Variants in RSU1 observed in about 807,000 individuals in gnomAD.
RSU1 encodes the protein rsu-1.
In RSU1, 26 loss-of-function variants were observed where a neutral mutation model predicts 31.1. That is an observed-to-expected ratio of 0.84 (90% CI 0.61 to 1.16). RSU1 has a LOEUF of 1.16. RSU1 is among the 50% of genes most tolerant of loss of function. The pLI, the probability that RSU1 is intolerant of heterozygous loss-of-function variation, is 0.00. For missense variants in RSU1, 320 were observed against 339.1 expected, an observed-to-expected ratio of 0.94 and a Z score of 0.44; for synonymous variants, 164 against 136.3, an observed-to-expected ratio of 1.20 and a Z score of -1.41.
At chr10:16,805,399 C>G (rs534934054) in intron 2 of RSU1, among the ~76,000 whole-genome samples, 1 of 151,984 alleles carries the variant, frequency 6.6e-6, no homozygotes, top group Non-Finnish European at 1.5e-5. Flanking sequence ...TGGCCGGGAG[C>G]GGTGGCTCAC....
At chr10:16,711,948 T>C (rs1256822991) in intron 7 of RSU1, among the ~76,000 whole-genome samples, 1 of 152,214 alleles carries the variant, frequency 6.6e-6, no homozygotes, top group African/African-American at 2.4e-5. Context: ...ACTTCCCTTT[T>C]ATAATTGTAT....
intron 4 of RSU1, among the ~76,000 whole-genome samples, chr10:16,763,006 AAACAAAAAC>A (rs905998362): frequency 6.6e-6 from 1 of 151,984 alleles, no homozygotes; most frequent in African/African-American, 2.4e-5. Flanking sequence ...AAAAAAAAAA[AAACAAAAAC>A]AAAAAAACCT....
At chr10:16,749,042 G>A (rs988044921) in intron 7 of RSU1, among the ~76,000 whole-genome samples, 5 of 152,010 alleles carry the variant, frequency 3.3e-5, no homozygotes, top group South Asian at 2.1e-4. Flanking sequence ...TTACTTTACC[G>A]GAAAAGGCAA....
At chr10:16,712,450 T>C (rs1836040730) in intron 7 of RSU1, among the ~76,000 whole-genome samples, 4 of 152,138 alleles carry the variant, frequency 2.6e-5, no homozygotes, top group Non-Finnish European at 5.9e-5. Context: ...TTTTCTGTGC[T>C]GCGAAGTTTT....
intron 8 of RSU1, among the ~76,000 whole-genome samples, chr10:16,687,496 G>A (rs964489529): frequency 2.6e-4 from 39 of 152,192 alleles, no homozygotes; most frequent in African/African-American, 8.4e-4. Context: ...ATGAATAATA[G>A]TGTTAACCAA....
At chr10:16,638,786 A>T (rs1294123937) in intron 8 of RSU1, among the ~76,000 whole-genome samples, 2 of 152,244 alleles carry the variant, frequency 1.3e-5, no homozygotes, top group Non-Finnish European at 2.9e-5. Flanking sequence ...GGGCCGCGCT[A>T]GACGAGAAAA....
intron 8 of RSU1, among the ~76,000 whole-genome samples, chr10:16,609,298 C>G (rs1030385612): frequency 6.6e-6 from 1 of 152,254 alleles, no homozygotes; most frequent in African/African-American, 2.4e-5. Context: ...GGAGCTGCCT[C>G]TGGCTAGGGG....
At chr10:16,734,049 G>A (rs933143673) in intron 7 of RSU1, among the ~76,000 whole-genome samples, 2 of 152,082 alleles carry the variant, frequency 1.3e-5, no homozygotes, top group South Asian at 2.1e-4. Context: ...CTTCCAACAC[G>A]ACTCCAATTG....
chr10:16,727,561 C>T (rs1210510784), intron 7 of RSU1, among the ~76,000 whole-genome samples: 1 of 152,098 alleles, frequency 6.6e-6, no homozygotes, highest in Non-Finnish European at 1.5e-5. Flanking sequence ...ACAAAATGTC[C>T]AACTCGGGCC....
chr10:16,809,432 G>C (rs1466185895), intron 2 of RSU1, among the ~76,000 whole-genome samples: 1 of 152,184 alleles, frequency 6.6e-6, no homozygotes, highest in East Asian at 1.9e-4. Flanking sequence ...AAGAACTGTA[G>C]AGGCAGCAAA....
chr10:16,780,828 A>G (rs1410820853), intron 3 of RSU1, among the ~76,000 whole-genome samples: 2 of 152,160 alleles, frequency 1.3e-5, no homozygotes, highest in Non-Finnish European at 2.9e-5. Flanking sequence ...TACAACAATG[A>G]CCACACATGA....
chr10:16,629,801 G>A (rs913751999), intron 8 of RSU1, among the ~76,000 whole-genome samples: 1 of 152,092 alleles, frequency 6.6e-6, no homozygotes, highest in African/African-American at 2.4e-5. Context: ...AAAGGAAGTG[G>A]GGGAACTCAC....
chr10:16,733,979 C>T (rs1372693511), intron 7 of RSU1, among the ~76,000 whole-genome samples: 1 of 152,222 alleles, frequency 6.6e-6, no homozygotes, highest in African/African-American at 2.4e-5. Context: ...TAACACTAAC[C>T]ATTGATCTTG....
At chr10:16,636,533 C>T (rs1272760024) in intron 8 of RSU1, among the ~76,000 whole-genome samples, 8 of 152,170 alleles carry the variant, frequency 5.3e-5, no homozygotes, top group Admixed American at 1.3e-4. Context: ...CTGTTTTCTG[C>T]GCTTCCCTTT....
chr10:16,680,621 G>A (rs1248401138), intron 8 of RSU1, among the ~76,000 whole-genome samples: 2 of 152,046 alleles, frequency 1.3e-5, no homozygotes, highest in Non-Finnish European at 2.9e-5. Flanking sequence ...GAAAGGGAAG[G>A]GGAGGGAGGG....
intron 8 of RSU1, among the ~76,000 whole-genome samples, chr10:16,679,511 C>T (rs1406206979): frequency 6.6e-6 from 1 of 152,152 alleles, no homozygotes; most frequent in Admixed American, 6.5e-5. Context: ...AGTTGATGGG[C>T]AGTAGGGAAA....
intron 3 of RSU1, among the ~76,000 whole-genome samples, chr10:16,777,580 T>C (rs1837560161): frequency 6.6e-6 from 1 of 152,314 alleles, no homozygotes; most frequent in South Asian, 2.1e-4. Context: ...TTTCTAATCT[T>C]TAGGTACAAA....
At position 16,739,019 on chromosome 10, in the gene RSU1, T is replaced by A. The variant is rs1217956315; in HGVS notation, c.598+13520A>T. 2.0e-5 allele frequency among the ~76,000 whole-genome samples: 3 copies of A among 152,214 alleles called. No individual in the cohort carries two copies. In the East Asian group the frequency reaches 5.8e-4, roughly 29 times the overall value. ...GAATGATGGCTTCCAGCTTCATCCA[T>A]GTCTCTGCAAAGGACATGAACTCAT... On this transcript the variant is annotated intron_variant, in intron 7 of 8. Transcript: ENST00000345264.
intron 2 of RSU1, among the ~76,000 whole-genome samples, chr10:16,794,117 G>A (rs560745671): frequency 1.1e-4 from 17 of 152,182 alleles, no homozygotes; most frequent in East Asian, 1.9e-4. Context: ...TCACTGACAC[G>A]CACCCCTCCT....
Sources: allele counts gnomAD v4.1 joint callset (sites outside exome capture counted in the v4.1 genomes callset), GRCh38; gene constraint gnomAD v4.1.1; transcripts MANE v1.5; gene names NCBI Gene and HGNC (gene_info 2026-07-23, HGNC 2026-07-21).